KCNIP4: variants seen among roughly 807,000 people sequenced by gnomAD.
KCNIP4 encodes the protein potassium voltage-gated channel interacting protein 4.
KCNIP4 carries 12 observed loss-of-function variants against 34.0 expected under a neutral mutation model. That is an observed-to-expected ratio of 0.35 (90% confidence interval 0.23 to 0.57). The LOEUF is 0.57. Ranked by LOEUF, KCNIP4 falls within the 20% of genes least tolerant of loss-of-function variation. KCNIP4 has a pLI of 0.83. For missense variants in KCNIP4, 238 were observed against 311.7 expected (o/e 0.76, Z 1.78); for synonymous variants, 124 against 102.2 (o/e 1.21, Z -1.29).
intron 1 of KCNIP4, among the ~76,000 whole-genome samples, chr4:21,562,350 C>G (rs1238946520): frequency 6.6e-6 from 1 of 151,928 alleles, no homozygotes; most frequent in African/African-American, 2.4e-5. Flanking sequence ...ATTTAATTTA[C>G]CGAGGTGGAT....
intron 1 of KCNIP4, among the ~76,000 whole-genome samples, chr4:21,564,621 G>A (rs1739700085): frequency 6.6e-6 from 1 of 152,084 alleles, no homozygotes; most frequent in African/African-American, 2.4e-5. Flanking sequence ...CCGTGTCTTA[G>A]TCTGTTTAGT....
At chr4:21,773,168 T>C (rs1477173126) in intron 1 of KCNIP4, among the ~76,000 whole-genome samples, 2 of 152,184 alleles carry the variant, frequency 1.3e-5, no homozygotes. Context: ...TTAATTTCAT[T>C]ATTTACCCAG....
chr4:21,252,060 T>A (rs1760743631), intron 1 of KCNIP4, among the ~76,000 whole-genome samples: 2 of 151,444 alleles, frequency 1.3e-5, no homozygotes, highest in African/African-American at 4.8e-5. Flanking sequence ...ATAACTGAGA[T>A]GTTTTGATGT....
chr4:21,487,934 T>C (rs1237877711), intron 1 of KCNIP4, among the ~76,000 whole-genome samples: 2 of 152,162 alleles, frequency 1.3e-5, no homozygotes, highest in Non-Finnish European at 2.9e-5. Flanking sequence ...GCTTATGTTC[T>C]GCCCTAGTTC....
chr4:21,798,733 T>G (rs751555306), intron 1 of KCNIP4, among the ~76,000 whole-genome samples: 2 of 151,960 alleles, frequency 1.3e-5, no homozygotes, highest in Non-Finnish European at 2.9e-5. Flanking sequence ...AGCTTTACAT[T>G]TATAAGTTCC....
At chr4:21,145,670 G>A (rs2109225916) in intron 1 of KCNIP4, among the ~76,000 whole-genome samples, 1 of 152,308 alleles carries the variant, frequency 6.6e-6, no homozygotes, top group South Asian at 2.1e-4. Context: ...TGAAACAGAA[G>A]CAACTGCTTT....
At chr4:21,758,629 G>T (rs1482825950) in intron 1 of KCNIP4, among the ~76,000 whole-genome samples, 1 of 152,250 alleles carries the variant, frequency 6.6e-6, no homozygotes, top group East Asian at 1.9e-4. Context: ...CTTGGTCTTT[G>T]GAATTAGAGA....
At chr4:21,083,055 C>A (rs1746139576) in intron 1 of KCNIP4, among the ~76,000 whole-genome samples, 1 of 151,788 alleles carries the variant, frequency 6.6e-6, no homozygotes, top group Non-Finnish European at 1.5e-5. Flanking sequence ...GGATGCAGGT[C>A]TCTTTGGTTT....
At chr4:21,319,548 C>T (rs1181229548) in intron 1 of KCNIP4, among the ~76,000 whole-genome samples, 1 of 152,192 alleles carries the variant, frequency 6.6e-6, no homozygotes, top group Non-Finnish European at 1.5e-5. Flanking sequence ...ATGTCTAGGC[C>T]CATCATATCT....
intron 1 of KCNIP4, among the ~76,000 whole-genome samples, chr4:21,322,206 T>C (rs938998082): frequency 6.6e-6 from 1 of 150,568 alleles, no homozygotes; most frequent in African/African-American, 2.5e-5. Flanking sequence ...GGGACTATGT[T>C]TTGTCCCACT....
At chr4:20,861,060 G>A (rs1448737851) in intron 2 of KCNIP4, among the ~76,000 whole-genome samples, 2 of 152,132 alleles carry the variant, frequency 1.3e-5, no homozygotes, top group Admixed American at 1.3e-4. Flanking sequence ...ATAATCAGCT[G>A]AGGAAATAGT....
intron 5 of KCNIP4, among the ~76,000 whole-genome samples, chr4:20,744,653 G>T (rs1482096940): frequency 6.6e-6 from 1 of 151,952 alleles, no homozygotes; most frequent in African/African-American, 2.4e-5. Context: ...AGCATTAGGA[G>T]AAATAAATAA....
chr4:21,068,708 A>G (rs373322359), intron 1 of KCNIP4, among the ~76,000 whole-genome samples: 26 of 152,178 alleles, frequency 1.7e-4, no homozygotes, highest in Non-Finnish European at 2.9e-4. Context: ...TCTTTCATCA[A>G]CTTTTATCAT....
chr4:21,777,093 T>G (rs915364050), intron 1 of KCNIP4, among the ~76,000 whole-genome samples: 1 of 152,172 alleles, frequency 6.6e-6, no homozygotes, highest in African/African-American at 2.4e-5. Context: ...GGTTTTATAA[T>G]GGGTTCTCCT....
In KCNIP4 at chr4:20,749,731, G is replaced by C. The variant is rs1560433019; in HGVS notation, c.360C>G (p.Asp120Glu). 6.3e-7 allele frequency: 1 copy of C among 1,599,980 alleles called. No individual in the cohort carries two copies. Among genetic ancestry groups the C allele is most frequent in the Non-Finnish European group, 8.6e-7 (1 of 1,169,282 alleles). ...ACAGAAAATGTGCATATGTTGTAGAGTCTGAAATGGTAAAAAGGGAGTATC... is the reference window on the plus strand; with the variant it reads ...ACAGAAAATGTGCATATGTTGTAGACTCTGAAATGGTAAAAAGGGAGTATC... ...EIYSQFFPQG[D>E]STTYAHFLFN... The change falls in exon 5 of 9, where the codon GAC becomes GAG. Residue 120 changes from aspartate (D) to glutamate (E), a missense_variant and splice_region_variant. By Grantham distance (45) the Asp-to-Glu change is conservative (BLOSUM62 2). Transcript: ENST00000382152.
intron 3 of KCNIP4, among the ~76,000 whole-genome samples, chr4:20,772,061 G>A (rs1336392768): frequency 6.6e-6 from 1 of 152,146 alleles, no homozygotes; most frequent in African/African-American, 2.4e-5. Flanking sequence ...TCCCTGAGAA[G>A]TAGAAAAGGT....
chr4:21,366,218 G>A (rs369587350), intron 1 of KCNIP4, among the ~76,000 whole-genome samples: 32 of 152,266 alleles, frequency 2.1e-4, no homozygotes, highest in African/African-American at 3.6e-4. Flanking sequence ...CTGCTGCAAA[G>A]ATATAGCTAT....
intron 1 of KCNIP4, among the ~76,000 whole-genome samples, chr4:20,971,896 C>A (rs554099498): frequency 6.6e-6 from 1 of 152,338 alleles, no homozygotes; most frequent in African/African-American, 2.4e-5. Context: ...CCTGCTGCTG[C>A]TTTCTCAAAT....
intron 1 of KCNIP4, among the ~76,000 whole-genome samples, chr4:21,488,560 T>G (rs2109853251): frequency 6.6e-6 from 1 of 152,134 alleles, no homozygotes. Context: ...TTAAGCCAGG[T>G]AGAAATTCAG....
Sources: gnomAD v4.1 joint callset for allele counts (sites outside exome capture counted in the v4.1 genomes callset) on GRCh38, gnomAD v4.1.1 for gene constraint, MANE v1.5 for transcripts, NCBI Gene and HGNC (gene_info 2026-07-23, HGNC 2026-07-21) for gene names.